FBXO43: variants seen among roughly 807,000 people sequenced by gnomAD.
FBXO43 encodes F-box only protein 43.
FBXO43 carries 22 observed loss-of-function variants against 56.7 expected under a neutral mutation model. The ratio of observed to expected loss-of-function variants is 0.39; its 90% CI spans 0.28 to 0.55. FBXO43 has a LOEUF of 0.55. Ranked by LOEUF, FBXO43 falls within the 20% of genes least tolerant of loss-of-function variation. The pLI is 0.66. For synonymous variants in FBXO43, 306 were observed against 294.5 expected (o/e 1.04, Z -0.40); for missense variants, 733 against 814.9 (o/e 0.90, Z 1.22).
chr8:100,140,111 A>T (rs996126446), intron 2 of FBXO43, among the ~76,000 whole-genome samples: 1 of 152,244 alleles, frequency 6.6e-6, no homozygotes, highest in Non-Finnish European at 1.5e-5. Flanking sequence ...TCTCTTTCCA[A>T]ATAACAGTGA....
chr8:100,135,912 G>T (rs952584109), intron 3 of FBXO43, among the ~76,000 whole-genome samples: 5 of 151,334 alleles, frequency 3.3e-5, no homozygotes, highest in African/African-American at 1.2e-4. Flanking sequence ...GGCCAAATAT[G>T]AGACTATTTC....
intron 2 of FBXO43, among the ~76,000 whole-genome samples, chr8:100,139,151 T>C (rs1327000897): frequency 2.0e-5 from 3 of 152,198 alleles, no homozygotes; most frequent in Non-Finnish European, 4.4e-5. Context: ...GTCACTTCTC[T>C]GGGGCTCATT....
chr8:100,139,746 G>A (rs79259815), intron 2 of FBXO43, among the ~76,000 whole-genome samples: 1 of 152,288 alleles, frequency 6.6e-6, no homozygotes, highest in African/African-American at 2.4e-5. Context: ...TGCAACATCT[G>A]TGAACACAAA....
chr8:100,140,015 A>G (rs919950650), intron 2 of FBXO43, among the ~76,000 whole-genome samples: 2 of 152,252 alleles, frequency 1.3e-5, no homozygotes, highest in African/African-American at 4.8e-5. Context: ...CAATCTGACA[A>G]TATGATCTGA....
chr8:100,140,718 C>T lies in FBXO43; in HGVS notation c.1536G>A (p.Met512Ile). 1.2e-6 allele frequency: 2 copies of T among 1,610,982 alleles called. No individual in the cohort carries two copies. The highest frequency in any genetic ancestry group is 1.7e-6 in the Non-Finnish European group (2 of 1,178,688). The change falls in exon 2 of 5, where the codon ATG becomes ATA. Residue 512 changes from methionine to isoleucine, a missense_variant. Physicochemically the swap from Met to Ile is conservative, Grantham distance 10 (BLOSUM62 1). Transcript: ENST00000428847. ...TCTCTGCGGTCAAGGACTCTAAAAC[C>T]ATAGCAAGAATATGCTTTAAATTTC... ...KYRNLKHILAMVLESLTAESL... is the reference protein window; with the variant it reads ...KYRNLKHILAIVLESLTAESL...
intron 3 of FBXO43, among the ~76,000 whole-genome samples, chr8:100,136,238 A>G (rs993950549): frequency 6.6e-6 from 1 of 152,248 alleles, no homozygotes; most frequent in Non-Finnish European, 1.5e-5. Context: ...AATAAAAAAG[A>G]AAGTCAAAGT....
intron 2 of FBXO43, among the ~76,000 whole-genome samples, chr8:100,138,993 T>C (rs2453631): frequency 0.38 from 57,292 of 152,144 alleles, 11,056 homozygotes; most frequent in East Asian, 0.51. Context: ...ATTATCCTAC[T>C]TAAGATACAC....
intron 3 of FBXO43, 100 bp from the exon 4 acceptor site, chr8:100,134,464 G>C (rs1450616378): frequency 9.8e-7 from 1 of 1,025,320 alleles, no homozygotes; most frequent in Non-Finnish European, 1.4e-6. Flanking sequence ...GAGGTTTTTT[G>C]CCATCCGAAT....
Position 100,137,585 on chromosome 8 carries a change from G to A in FBXO43, c.1654C>T (p.Gln552Ter). ...ATTACCTCAGAATCTGTTTTCAGTT[G>A]TGTGATATAAAATTTCCTCCTCCGA... The part of the protein sequence containing the change: ...ANRRRKFYIT[Q>*]LKTDSEGAVL... The change falls in exon 3 of 5, where the codon CAA becomes TAA. Residue 552 changes from glutamine to a stop codon, truncating the protein, a stop_gained. Transcript: ENST00000428847. LOFTEE classifies it high-confidence loss of function. 6.2e-7 allele frequency: 1 copy of A among 1,609,294 alleles called. No individual in the cohort carries two copies. Among genetic ancestry groups the A allele is most frequent in the Non-Finnish European group, 8.5e-7 (1 of 1,176,390 alleles).
chr8:100,144,791 G>T (rs571905022), intron 1 of FBXO43, among the ~76,000 whole-genome samples: 1 of 151,720 alleles, frequency 6.6e-6, no homozygotes, highest in East Asian at 1.9e-4. Context: ...AATTATCCGG[G>T]CGTGGTGGCG....
chr8:100,133,961 T>A lies in FBXO43; in HGVS notation c.1968A>T (p.Gly656=). The change falls in exon 5 of 5, where the codon GGA becomes GGT. Residue 656 remains glycine, a synonymous_variant. Coordinates refer to ENST00000428847, the MANE Select transcript of FBXO43 (RefSeq NM_001029860.4). ...PAKYQPYKKR[G]LCSRTACGFD... ...AACCACAGGCTGTTCGGCTACACAG[T>A]CCCCTTTTCTTATATGGCTGGTACT... 6.2e-7 allele frequency: 1 copy of A among 1,614,144 alleles called. No homozygotes were observed. Among genetic ancestry groups the A allele is most frequent in the South Asian group, 1.1e-5 (1 of 91,082 alleles).
chr8:100,145,933 C>T (rs983086572), upstream of FBXO43: 3 of 152,630 alleles, frequency 2.0e-5, no homozygotes, highest in Non-Finnish European at 2.9e-5. Flanking sequence ...TGGGTCCTCG[C>T]TTGAGCGGGA....
chr8:100,140,645 A>T, intron 2 of FBXO43, 38 bp downstream of exon 2: 1 of 1,507,964 alleles, frequency 6.6e-7, no homozygotes, highest in Non-Finnish European at 8.9e-7. Flanking sequence ...CAACTTAAAA[A>T]AAGAAGTTTT....
upstream of FBXO43, among the ~76,000 whole-genome samples, chr8:100,150,277 T>G (rs1195106603): frequency 1.3e-5 from 2 of 152,226 alleles, no homozygotes; most frequent in Non-Finnish European, 2.9e-5. Context: ...TGAAAATCAT[T>G]GGTGTAGTCG....
At position 100,137,550 on chromosome 8, in the gene FBXO43, T is replaced by C. The variant is rs1289392274; in HGVS notation, c.1674+15A>G. On this transcript the variant is annotated intron_variant, in intron 3 of 4. Coordinates refer to ENST00000428847, the MANE Select transcript of FBXO43 (RefSeq NM_001029860.4). ...TTTATACAAATCCATTTTAGAGAAG[T>C]ATTACATACATTACCTCAGAATCTG... The C allele has an allele frequency of 6.6e-7, 1 of 1,509,202 alleles. No homozygotes were observed. The highest frequency in any genetic ancestry group is 9.2e-7 in the Non-Finnish European group (1 of 1,088,590). 93.5% of individuals were successfully genotyped at this position (1,509,202 alleles called of 1,614,324 possible). A position where few individuals can be genotyped will look rare whatever the true frequency, so the allele number is the denominator to read the frequency against.
intron 2 of FBXO43, among the ~76,000 whole-genome samples, chr8:100,140,209 G>A (rs368775228): frequency 2.6e-5 from 4 of 152,262 alleles, no homozygotes; most frequent in African/African-American, 7.2e-5. Context: ...TGTGGCTCAC[G>A]CCTCTAATCC....
At chr8:100,137,991 G>T (rs1384164932) in intron 2 of FBXO43, among the ~76,000 whole-genome samples, 1 of 152,118 alleles carries the variant, frequency 6.6e-6, no homozygotes, top group Non-Finnish European at 1.5e-5. Context: ...AACAAGAGAT[G>T]CAGGAAATGA....
Position 100,141,065 on chromosome 8 carries a change from C to T in FBXO43, c.1189G>A (p.Glu397Lys). 2 of 1,614,190 alleles carry T rather than the reference C, an allele frequency of 1.2e-6. No individual in the cohort carries two copies. Among genetic ancestry groups the T allele is most frequent in the Middle Eastern group, 1.6e-4 (1 of 6,062 alleles). ...GGGTGGACAATCTGCTTTTCCTCTT[C>T]TGTCTCTGACTGCGAGCTTTGTTCC... is the stretch of plus-strand genomic sequence containing the variant. ...LREQSSQSET[E>K]EEKQIVHPDS... Residue 397 changes from glutamate (E) to lysine (K), a missense_variant, in exon 2 of 5, where the codon GAA becomes AAA. Physicochemically the swap from Glu to Lys is moderately conservative, Grantham distance 56. Coordinates refer to ENST00000428847, the MANE Select transcript of FBXO43 (RefSeq NM_001029860.4).
chr8:100,149,250 C>A (rs1445598781), upstream of FBXO43, among the ~76,000 whole-genome samples: 2 of 152,206 alleles, frequency 1.3e-5, no homozygotes, highest in Non-Finnish European at 2.9e-5. Flanking sequence ...CCCCAGGACC[C>A]ATTTGTATTC....
Sources: gnomAD v4.1 joint callset for allele counts (sites outside exome capture counted in the v4.1 genomes callset) on GRCh38, gnomAD v4.1.1 for gene constraint, MANE v1.5 for transcripts, NCBI Gene and HGNC (gene_info 2026-07-23, HGNC 2026-07-21) for gene names.